WDR45B: variants seen among roughly 807,000 people sequenced by gnomAD.
The protein encoded by WDR45B is WD repeat domain phosphoinositide-interacting protein 3.
WDR45B carries 20 observed loss-of-function variants against 44.6 expected under a neutral mutation model. The ratio of observed to expected loss-of-function variants is 0.45; its 90% CI spans 0.32 to 0.65. WDR45B has a LOEUF of 0.65. Among genes scored for constraint, WDR45B ranks in the 30% least tolerant of loss-of-function variants. The pLI, the probability that WDR45B is intolerant of heterozygous loss-of-function variation, is 0.05. For synonymous variants in WDR45B, 169 were observed against 164.9 expected (o/e 1.02, Z -0.19); for missense variants, 323 against 430.2 (o/e 0.75, Z 2.20).
At chr17:82,640,306 A>G (rs1010281215) in intron 2 of WDR45B, among the ~76,000 whole-genome samples, 2 of 152,026 alleles carry the variant, frequency 1.3e-5, no homozygotes, top group African/African-American at 4.8e-5. Flanking sequence ...CTACAATTAA[A>G]AAGGAACAAG....
chr17:82,627,218 C>T lies in WDR45B; in HGVS notation c.318G>A (p.Lys106=), dbSNP rs2291393. The change falls in exon 4 of 10, where the codon AAG becomes AAA. Residue 106 remains lysine (K), a synonymous_variant. Coordinates refer to ENST00000392325, the MANE Select transcript of WDR45B (RefSeq NM_019613.4). ...ACCAAACCCACCTATCTCGCCGCAG[C>T]TTGACTGCCTTGACTTCTGTAGAAA... ...IEFSTEVKAV[K]LRRDRIVVVL... is the part of the protein sequence containing the mutation. 383,959 of 1,611,296 alleles carry T rather than the reference C, an allele frequency of 0.24. 47,237 individuals carry two copies. The highest frequency in any genetic ancestry group is 0.27 in the Admixed American group (16,340 of 60,018).
At chr17:82,624,900 G>T (rs1387675861) in intron 5 of WDR45B, among the ~76,000 whole-genome samples, 1 of 152,024 alleles carries the variant, frequency 6.6e-6, no homozygotes, top group Non-Finnish European at 1.5e-5. Context: ...TTACAGGAGT[G>T]AGCCACCGCG....
intron 6 of WDR45B, among the ~76,000 whole-genome samples, chr17:82,619,434 A>G (rs949454787): frequency 6.6e-6 from 1 of 152,060 alleles, no homozygotes; most frequent in African/African-American, 2.4e-5. Flanking sequence ...ACCCAGGAGG[A>G]ACACCCAGGC....
chr17:82,627,740 C>G (rs1187235412), intron 3 of WDR45B, among the ~76,000 whole-genome samples: 1 of 152,282 alleles, frequency 6.6e-6, no homozygotes, highest in Non-Finnish European at 1.5e-5. Context: ...GCCTCGCACA[C>G]AGGCGCGCTG....
At position 82,648,434 on chromosome 17, in the gene WDR45B, C is replaced by A. The variant is rs914106327; in HGVS notation, c.-94G>T. ...CTTCGGGCCGGCGCTGAGGCCGCCG[C>A]GGCCGGAAGTGCCGGACGTACGTGC... On this transcript the variant is annotated 5_prime_UTR_variant, in exon 1 of 10. Coordinates refer to ENST00000392325, the MANE Select transcript of WDR45B (RefSeq NM_019613.4). The A allele has an allele frequency of 2.8e-5, 42 of 1,474,196 alleles. No homozygotes were observed. Among genetic ancestry groups the A allele is most frequent in the Non-Finnish European group, 3.6e-5 (39 of 1,090,630 alleles). 91.3% of individuals were successfully genotyped at this position (1,474,196 alleles called of 1,614,324 possible). A position where few individuals can be genotyped will look rare whatever the true frequency, so the allele number is the denominator to read the frequency against.
chr17:82,632,282 C>T (rs2045777947), intron 2 of WDR45B, among the ~76,000 whole-genome samples: 1 of 151,972 alleles, frequency 6.6e-6, no homozygotes, highest in South Asian at 2.1e-4. Context: ...CTGCTTCAGC[C>T]TCCCGAGTAG....
intron 3 of WDR45B, chr17:82,629,405 CTG>C (rs1357762341): frequency 5.7e-6 from 4 of 706,826 alleles, no homozygotes; most frequent in Non-Finnish European, 6.9e-6. Flanking sequence ...CCTGCTCTCT[CTG>C]TGGAACCTCC....
At chr17:82,617,622 C>T (rs2045555629) in intron 7 of WDR45B, 1 of 550,784 alleles carries the variant, frequency 1.8e-6, no homozygotes, top group Non-Finnish European at 3.3e-6. Flanking sequence ...GGCAAGTTTT[C>T]CTTGGGTGCC....
chr17:82,631,778 TTC>T (rs1359311532), intron 2 of WDR45B, among the ~76,000 whole-genome samples: 7 of 151,688 alleles, frequency 4.6e-5, no homozygotes, highest in Non-Finnish European at 7.4e-5. Context: ...AATACTTGAA[TTC>T]ACATTTCAAG....
intron 6 of WDR45B, 104 bp from the exon 7 acceptor site, chr17:82,619,232 C>T: frequency 9.5e-7 from 1 of 1,056,788 alleles, no homozygotes; most frequent in East Asian, 2.5e-5. Context: ...ACAAGCCTTT[C>T]TCAAACTCAC....
intron 6 of WDR45B, among the ~76,000 whole-genome samples, chr17:82,620,973 T>A (rs183368413): frequency 6.6e-6 from 1 of 152,214 alleles, no homozygotes; most frequent in Admixed American, 6.5e-5. Context: ...AGTTGAGTGG[T>A]TCTGCAAAAT....
chr17:82,628,914 A>C (rs1321714309), intron 3 of WDR45B, among the ~76,000 whole-genome samples: 6 of 151,760 alleles, frequency 4.0e-5, no homozygotes, highest in Admixed American at 3.9e-4. Flanking sequence ...CGGAAGGATC[A>C]CCTGAGCCTG....
chr17:82,632,237 C>G (rs745803239), intron 2 of WDR45B, among the ~76,000 whole-genome samples: 4 of 151,984 alleles, frequency 2.6e-5, no homozygotes, highest in Admixed American at 6.6e-5. Flanking sequence ...TCACAGCTCA[C>G]TACAGCCTCA....
chr17:82,631,347 G>A (rs1239142585), intron 2 of WDR45B, among the ~76,000 whole-genome samples: 6 of 141,708 alleles, frequency 4.2e-5, no homozygotes, highest in East Asian at 2.1e-4. Context: ...GCAGTCGCGC[G>A]ATCTCGGCTT....
intron 6 of WDR45B, among the ~76,000 whole-genome samples, chr17:82,619,441 A>C (rs1398537731): frequency 1.3e-5 from 2 of 152,114 alleles, no homozygotes; most frequent in African/African-American, 4.8e-5. Context: ...AGGAACACCC[A>C]GGCCCAGGCT....
Position 82,639,680 on chromosome 17 carries a change from G to A in WDR45B, c.142+4269C>T, listed in dbSNP as rs527241306. On this transcript the variant is annotated intron_variant, in intron 2 of 9. Transcript: ENST00000392325. ...GGGCTGTGTGTGTGTCGGGTCTGGC[G>A]GGCTGCTGGGCTGTGTCAGGTCGAG... Among the ~76,000 whole-genome samples, 61 of 151,474 alleles carry A rather than the reference G, an allele frequency of 4.0e-4. No homozygotes were observed. In the South Asian group the frequency reaches 7.3e-3, roughly 18 times the overall value.
At chr17:82,635,720 G>A (rs1027005819) in intron 2 of WDR45B, among the ~76,000 whole-genome samples, 10 of 151,952 alleles carry the variant, frequency 6.6e-5, no homozygotes, top group African/African-American at 2.4e-4. Context: ...ACTGTGCGCA[G>A]CCGTCTTTTC....
At chr17:82,624,986 C>T (rs1027363984) in intron 5 of WDR45B, among the ~76,000 whole-genome samples, 4 of 152,058 alleles carry the variant, frequency 2.6e-5, no homozygotes, top group African/African-American at 9.7e-5. Context: ...AGGCAAAACC[C>T]CCAATATAAA....
chr17:82,632,857 T>C (rs945068638), intron 2 of WDR45B, among the ~76,000 whole-genome samples: 5 of 151,998 alleles, frequency 3.3e-5, no homozygotes, highest in African/African-American at 1.2e-4. Context: ...AGGAAATCCC[T>C]TCTCTACCAA....
Sources: allele counts gnomAD v4.1 joint callset (sites outside exome capture counted in the v4.1 genomes callset), GRCh38; gene constraint gnomAD v4.1.1; transcripts MANE v1.5; gene names NCBI Gene and HGNC (gene_info 2026-07-23, HGNC 2026-07-21).